CILK1: variants seen among roughly 807,000 people sequenced by gnomAD.
The protein encoded by CILK1 is serine/threonine-protein kinase ICK.
CILK1 carries 47 observed loss-of-function variants against 79.2 expected under a neutral mutation model. The observed-to-expected ratio is 0.59, with a 90% CI of 0.47 to 0.76. CILK1 has a LOEUF of 0.76. Ranked by LOEUF, CILK1 falls within the 30% of genes least tolerant of loss-of-function variation. The probability of loss-of-function intolerance (pLI) is 0.00; values close to 1 mark genes in which losing one functional copy is unlikely to be tolerated. For synonymous variants in CILK1, 266 were observed against 275.9 expected (o/e 0.96, Z 0.36); for missense variants, 660 against 769.5 (o/e 0.86, Z 1.68).
At chr6:53,009,667 C>T (rs1581942703) in intron 11 of CILK1, 100 bp from the exon 12 acceptor site, 3 of 1,015,880 alleles carry the variant, frequency 3.0e-6, no homozygotes, top group Non-Finnish European at 4.5e-6. Context: ...GTCAAAAACT[C>T]TCTATGATAC....
intron 1 of CILK1, among the ~76,000 whole-genome samples, chr6:53,043,762 A>T (rs1045092825): frequency 6.6e-6 from 1 of 151,788 alleles, no homozygotes; most frequent in East Asian, 1.9e-4. Context: ...GGGGGTGTGG[A>T]TGGGAGGGGG....
chr6:53,061,303 C>A (rs1768430799), intron 1 of CILK1, among the ~76,000 whole-genome samples: 1 of 152,202 alleles, frequency 6.6e-6, no homozygotes, highest in African/African-American at 2.4e-5. Flanking sequence ...CAGGGAAATT[C>A]CGAAAGCAAG....
chr6:53,030,998 C>T, intron 5 of CILK1, 67 bp downstream of exon 5: 2 of 1,115,686 alleles, frequency 1.8e-6, no homozygotes, highest in Non-Finnish European at 2.7e-6. Context: ...ATTAATGTTT[C>T]CTACAACTTC....
chr6:53,010,272 T>C lies in CILK1; in HGVS notation c.1493-705A>G, dbSNP rs148712225. Among the ~76,000 whole-genome samples, 494 of 152,312 alleles carry C rather than the reference T, an allele frequency of 3.2e-3. 1 individual carries two copies. Among genetic ancestry groups the C allele is most frequent in the Non-Finnish European group, 5.0e-3 (338 of 68,026 alleles). Reference sequence around the variant, plus strand: ...ACAAAATGTCAATCCTGATGAAGTCTAGCAATATTTAGAAGCCACATTCCA... The same window carrying C: ...ACAAAATGTCAATCCTGATGAAGTCCAGCAATATTTAGAAGCCACATTCCA... On this transcript the variant is annotated intron_variant, in intron 11 of 13. Coordinates refer to ENST00000676107, the MANE Select transcript of CILK1 (RefSeq NM_014920.5).
intron 1 of CILK1, chr6:53,057,660 C>G (rs1313482909): frequency 6.6e-6 from 1 of 152,058 alleles, no homozygotes; most frequent in Non-Finnish European, 1.5e-5. Flanking sequence ...TCATTAGGAA[C>G]TATGTTCAAA....
At chr6:53,044,425 A>G (rs1220432276) in intron 1 of CILK1, among the ~76,000 whole-genome samples, 1 of 152,198 alleles carries the variant, frequency 6.6e-6, no homozygotes, top group Non-Finnish European at 1.5e-5. Flanking sequence ...TATCTGTGTT[A>G]AAGTTATTGT....
chr6:53,048,913 A>G (rs1482155359), intron 1 of CILK1, among the ~76,000 whole-genome samples: 1 of 152,198 alleles, frequency 6.6e-6, no homozygotes, highest in African/African-American at 2.4e-5. Context: ...GTGAGGAAGA[A>G]GAGCTTCTGA....
At chr6:53,053,065 A>AC (rs1554182099) in intron 1 of CILK1, among the ~76,000 whole-genome samples, 3 of 151,330 alleles carry the variant, frequency 2.0e-5, no homozygotes, top group African/African-American at 7.3e-5. Flanking sequence ...AAAAAAAAAA[A>AC]CCTTATACTT....
chr6:53,035,865 T>G (rs1052929872), intron 3 of CILK1, among the ~76,000 whole-genome samples: 9 of 152,054 alleles, frequency 5.9e-5, no homozygotes, highest in Admixed American at 3.3e-4. Context: ...AAGGTGCGCC[T>G]CCTTTCTACC....
rs146977781 is a variant in CILK1 at position 53,051,489 on chromosome 6, G to A, written c.-172-10081C>T. On this transcript the variant is annotated intron_variant, in intron 1 of 13. Coordinates refer to ENST00000676107, the MANE Select transcript of CILK1 (RefSeq NM_014920.5). ...CCATTCTTTGTCTCTTCCAGCTTCTGGTGGTTGCAAGCACTCCTTGGCTTG... is the reference window on the plus strand; with the variant it reads ...CCATTCTTTGTCTCTTCCAGCTTCTAGTGGTTGCAAGCACTCCTTGGCTTG... 3.3e-3 allele frequency among the ~76,000 whole-genome samples: 506 copies of A among 152,250 alleles called. 2 individuals carry two copies. The highest frequency in any genetic ancestry group is 0.014 in the Middle Eastern group (4 of 294).
At chr6:53,010,399 T>C (rs1248895567) in intron 11 of CILK1, among the ~76,000 whole-genome samples, 2 of 152,214 alleles carry the variant, frequency 1.3e-5, no homozygotes, top group Non-Finnish European at 2.9e-5. Flanking sequence ...CTCCCTCACC[T>C]GGATGACAGC....
At chr6:53,016,506 A>T (rs1764904560) in intron 7 of CILK1, among the ~76,000 whole-genome samples, 1 of 152,186 alleles carries the variant, frequency 6.6e-6, no homozygotes, top group Admixed American at 6.5e-5. Context: ...TCTTTACATA[A>T]GAGATTCTCT....
At position 53,013,764 on chromosome 6, in the gene CILK1, G is replaced by T; in HGVS notation, c.1050C>A (p.Pro350=). The T allele has an allele frequency of 6.2e-7, 1 of 1,614,148 alleles. No homozygotes were observed. The highest frequency in any genetic ancestry group is 8.5e-7 in the Non-Finnish European group (1 of 1,180,020). The change falls in exon 9 of 14, where the codon CCC becomes CCA. Residue 350 remains proline (P), a synonymous_variant. Coordinates refer to ENST00000676107, the MANE Select transcript of CILK1 (RefSeq NM_014920.5). ...ASQPPLHLTY[P]YKAEVSRTDH... is the part of the protein sequence containing the mutation. Reference sequence around the variant, plus strand: ...CTGTCCTGGAGACCTCTGCTTTGTAGGGGTACGTGAGATGCAGAGGGGGCT... The same window carrying T: ...CTGTCCTGGAGACCTCTGCTTTGTATGGGTACGTGAGATGCAGAGGGGGCT...
At chr6:53,022,200 GAAGA>G (rs1209914677) in intron 5 of CILK1, among the ~76,000 whole-genome samples, 2 of 152,100 alleles carry the variant, frequency 1.3e-5, no homozygotes, top group Non-Finnish European at 2.9e-5. Context: ...ATTAATTATT[GAAGA>G]AAGAAATTTT....
chr6:53,035,287 C>T (rs1262444136), intron 3 of CILK1, among the ~76,000 whole-genome samples: 4 of 149,800 alleles, frequency 2.7e-5, no homozygotes, highest in Non-Finnish European at 5.9e-5. Context: ...ATGGTGGGCA[C>T]ATTTATAGAC....
Position 53,012,191 on chromosome 6 carries a change from T to A in CILK1, c.1189A>T (p.Ile397Leu), listed in dbSNP as rs1218324494. 16 of 1,614,062 alleles carry A rather than the reference T, an allele frequency of 9.9e-6. No individual in the cohort carries two copies. The highest frequency in any genetic ancestry group is 1.3e-5 in the Non-Finnish European group (15 of 1,180,024). The change falls in exon 10 of 14, where the codon ATA becomes TTA. Residue 397 changes from isoleucine (I) to leucine (L), a missense_variant. Physicochemically the swap from Ile to Leu is conservative, Grantham distance 5 (BLOSUM62 2). Transcript: ENST00000676107. ...CACCTTCTCCTACTCTTTGGCTTTA[T>A]CTCACCATTTTTGTGCTCCAGGCCA... Reference protein sequence around the residue: ...TAGLEHKNGEIKPKSRRRWGL... With the variant: ...TAGLEHKNGELKPKSRRRWGL...
At chr6:53,021,426 C>T (rs1581703044) in intron 5 of CILK1, among the ~76,000 whole-genome samples, 2 of 152,274 alleles carry the variant, frequency 1.3e-5, no homozygotes, top group East Asian at 3.9e-4. Context: ...ACCTTCCTTG[C>T]TCCAGCTTCT....
At chr6:53,045,335 T>C (rs1766988635) in intron 1 of CILK1, among the ~76,000 whole-genome samples, 1 of 152,232 alleles carries the variant, frequency 6.6e-6, no homozygotes, top group South Asian at 2.1e-4. Flanking sequence ...TCTTCAACTA[T>C]TTTTTTCCTA....
intron 4 of CILK1, among the ~76,000 whole-genome samples, chr6:53,031,874 A>C (rs754688610): frequency 3.9e-5 from 6 of 151,918 alleles, no homozygotes; most frequent in Non-Finnish European, 7.4e-5. Flanking sequence ...GCCGTTGTTG[A>C]CCAGGCTGGA....
Sources: allele counts gnomAD v4.1 joint callset (sites outside exome capture counted in the v4.1 genomes callset), GRCh38; gene constraint gnomAD v4.1.1; transcripts MANE v1.5; gene names NCBI Gene and HGNC (gene_info 2026-07-23, HGNC 2026-07-21).